SSB: variants seen among roughly 807,000 people sequenced by gnomAD.
SSB encodes small RNA binding exonuclease protection factor La, also known as lupus La protein.
In SSB, 17 loss-of-function variants were observed where a neutral mutation model predicts 52.9. That is an observed-to-expected ratio of 0.32 (90% CI 0.22 to 0.48). The LOEUF (loss-of-function observed/expected upper bound fraction) is 0.48, where lower values mean the gene tolerates loss of function less well. Ranked by LOEUF, SSB falls within the 20% of genes least tolerant of loss-of-function variation. SSB has a pLI of 0.99. For missense variants in SSB, 314 were observed against 463.6 expected (o/e 0.68, Z 2.96); for synonymous variants, 111 against 152.1 (o/e 0.73, Z 1.99).
chr2:169,801,447 A>G (rs1689710753), intron 2 of SSB, among the ~76,000 whole-genome samples: 1 of 147,632 alleles, frequency 6.8e-6, no homozygotes, highest in African/African-American at 2.5e-5. Flanking sequence ...ATAACACTAT[A>G]TTTTTGATGA....
At chr2:169,801,904 G>A (rs1156262102) in intron 2 of SSB, among the ~76,000 whole-genome samples, 1 of 152,004 alleles carries the variant, frequency 6.6e-6, no homozygotes. Context: ...TTATGTTTAT[G>A]TTAACGTAAT....
intron 9 of SSB, 38 bp downstream of exon 9, chr2:169,810,461 G>A: frequency 6.4e-7 from 1 of 1,554,876 alleles, no homozygotes; most frequent in Non-Finnish European, 8.7e-7. Flanking sequence ...CAATCAGTTT[G>A]AAAATCTGTA....
intron 2 of SSB, among the ~76,000 whole-genome samples, chr2:169,801,445 A>G (rs995448980): frequency 6.7e-6 from 1 of 149,986 alleles, no homozygotes. Flanking sequence ...AAATAACACT[A>G]TATTTTTGAT....
intron 7 of SSB, 109 bp downstream of exon 7, chr2:169,808,662 GAAAC>G (rs1689879623): frequency 9.1e-7 from 1 of 1,103,394 alleles, no homozygotes; most frequent in East Asian, 2.4e-5. Flanking sequence ...CTTTGCTAGT[GAAAC>G]ACTGAGATCT....
chr2:169,800,984 A>G lies in SSB; in HGVS notation c.24A>G (p.Glu8=). 1 of 1,599,078 alleles carries G rather than the reference A, an allele frequency of 6.3e-7. No homozygotes were observed. The highest frequency in any genetic ancestry group is 1.4e-5 in the African/African-American group (1 of 74,050). Residue 8 remains glutamate, a synonymous_variant, in exon 2 of 12, where the codon GAA becomes GAG. Transcript: ENST00000260956. MAENGDN[E]KMAALEAKIC... is the part of the protein sequence containing the mutation. Reference sequence around the variant, plus strand: ...CAATGGCTGAAAATGGTGATAATGAAAAGATGGCTGCCCTGGAGGCCAAAA... The same window carrying G: ...CAATGGCTGAAAATGGTGATAATGAGAAGATGGCTGCCCTGGAGGCCAAAA...
intron 2 of SSB, among the ~76,000 whole-genome samples, chr2:169,804,057 T>G (rs1162053429): frequency 3.3e-5 from 5 of 152,080 alleles, no homozygotes; most frequent in Admixed American, 6.5e-5. Flanking sequence ...ATCCTTTAAC[T>G]GTTTTCTATT....
chr2:169,805,648 T>G lies in SSB; in HGVS notation c.171-17T>G. ...AGTGCTACTGCTGAGTCTTATGTTTTTATATGTACTCTTCAGGTTGAACCG... is the reference window on the plus strand; with the variant it reads ...AGTGCTACTGCTGAGTCTTATGTTTGTATATGTACTCTTCAGGTTGAACCG... On this transcript the variant is annotated splice_polypyrimidine_tract_variant and intron_variant, in intron 3 of 11. Transcript: ENST00000260956. The G allele has an allele frequency of 1.2e-6, 2 of 1,612,852 alleles. No homozygotes were observed. The highest frequency in any genetic ancestry group is 1.7e-6 in the Non-Finnish European group (2 of 1,179,600).
chr2:169,810,974 G>T lies in SSB; in HGVS notation c.927G>T (p.Glu309Asp). The T allele has an allele frequency of 6.2e-7, 1 of 1,612,124 alleles. No homozygotes were observed. Among genetic ancestry groups the T allele is most frequent in the East Asian group, 2.2e-5 (1 of 44,838 alleles). Residue 309 changes from glutamate (E) to aspartate (D), a missense_variant, in exon 10 of 12, where the codon GAG becomes GAT. Glu to Asp is a conservative substitution (Grantham distance 45). Transcript: ENST00000260956. ...TGACTTGGGAAGTACTAGAAGGAGA[G>T]GTGGAAAAAGAAGCACTGAAGAAAA... ...KEVTWEVLEG[E>D]VEKEALKKII...
Position 169,807,144 on chromosome 2 carries a change from G to T in SSB, c.554+73G>T, listed in dbSNP as rs1047405070. The T allele has an allele frequency of 9.2e-5, 116 of 1,260,242 alleles. No homozygotes were observed. The African/African-American group carries it at 1.5e-3, about 17-fold the overall frequency. The allele number at this position is 1,260,242 out of a possible 1,614,324, so 78.1% of individuals were successfully genotyped here. A position where few individuals can be genotyped will look rare whatever the true frequency, so the allele number is the denominator to read the frequency against. ...ACACACTAGGGTAAGGAGCATGGAA[G>T]TAGTATCCCCTGAAAGGCCAATATT... On this transcript the variant is annotated intron_variant, in intron 6 of 11. Transcript: ENST00000260956.
At position 169,808,921 on chromosome 2, in the gene SSB, T is replaced by C; in HGVS notation, c.669+19T>C. 1 of 1,585,916 alleles carries C rather than the reference T, an allele frequency of 6.3e-7. No individual in the cohort carries two copies. Among genetic ancestry groups the C allele is most frequent in the Non-Finnish European group, 8.7e-7 (1 of 1,154,952 alleles). On this transcript the variant is annotated intron_variant, in intron 8 of 11. Transcript: ENST00000260956. Reference sequence around the variant, plus strand: ...TGAAATGGTAAGTATATATTACTGCTATCTAGTACATCTGTAATTCGAAGT... The same window carrying C: ...TGAAATGGTAAGTATATATTACTGCCATCTAGTACATCTGTAATTCGAAGT...
intron 1 of SSB, among the ~76,000 whole-genome samples, chr2:169,800,390 C>T (rs969001742): frequency 6.6e-6 from 1 of 151,872 alleles, no homozygotes; most frequent in Non-Finnish European, 1.5e-5. Flanking sequence ...AATTAGTCAG[C>T]CGCAGCCGTG....
chr2:169,803,033 C>T (rs1282713354), intron 2 of SSB, among the ~76,000 whole-genome samples: 1 of 152,176 alleles, frequency 6.6e-6, no homozygotes, highest in Non-Finnish European at 1.5e-5. Flanking sequence ...AGGAGCCATA[C>T]TGGCTCAAGG....
rs1038391241 is a variant in SSB at position 169,811,875 on chromosome 2, A to T, written c.*119A>T. 2 of 1,611,936 alleles carry T rather than the reference A, an allele frequency of 1.2e-6. No homozygotes were observed. Among genetic ancestry groups the T allele is most frequent in the Non-Finnish European group, 1.7e-6 (2 of 1,179,402 alleles). On this transcript the variant is annotated 3_prime_UTR_variant, in exon 12 of 12. Transcript: ENST00000260956. ...AATGTCCACCTGTGAGAAAGGAAAA[A>T]TTTTTTTGTTGTTTAACTTGTCTTT...
intron 8 of SSB, 66 bp downstream of exon 8, chr2:169,808,968 T>G: frequency 7.5e-7 from 1 of 1,341,116 alleles, no homozygotes. Flanking sequence ...CTTTTAAGTC[T>G]GAGGACTTTT....
intron 1 of SSB, among the ~76,000 whole-genome samples, chr2:169,799,874 A>AT (rs1039419660): frequency 6.6e-6 from 1 of 152,068 alleles, no homozygotes; most frequent in Non-Finnish European, 1.5e-5. Context: ...ATTCTCGATG[A>AT]TTTGTTCACA....
intron 8 of SSB, among the ~76,000 whole-genome samples, chr2:169,809,695 C>T (rs1448861395): frequency 6.6e-6 from 1 of 151,984 alleles, no homozygotes; most frequent in African/African-American, 2.4e-5. Flanking sequence ...TCACTGCAAG[C>T]TCCACCTCCC....
At chr2:169,799,048 C>A (rs1401628786) in intron 1 of SSB, 72 bp downstream of exon 1, 1 of 152,188 alleles carries the variant, frequency 6.6e-6, no homozygotes. Context: ...TGCGCGTTTC[C>A]GTTCTTTACT....
chr2:169,810,504 T>G (rs972533524), intron 9 of SSB, 81 bp downstream of exon 9: 28 of 1,303,742 alleles, frequency 2.1e-5, no homozygotes, highest in Non-Finnish European at 2.9e-5. Context: ...AAAGTAATTT[T>G]AAAAATTGTG....
At chr2:169,806,054 T>C in intron 4 of SSB, 1 of 578,790 alleles carries the variant, frequency 1.7e-6, no homozygotes, top group Non-Finnish European at 3.2e-6. Context: ...CACTGCAGTC[T>C]TGACCTCCTG....
Sources: gnomAD v4.1 joint callset for allele counts (sites outside exome capture counted in the v4.1 genomes callset) on GRCh38, gnomAD v4.1.1 for gene constraint, MANE v1.5 for transcripts, NCBI Gene and HGNC (gene_info 2026-07-23, HGNC 2026-07-21) for gene names.